The following PACRG variants were observed in gnomAD, a reference collection of about 807,000 sequenced individuals.
PACRG encodes the protein parkin coregulated gene protein.
PACRG carries 29 observed loss-of-function variants against 29.7 expected under a neutral mutation model. That is an observed-to-expected ratio of 0.98 (90% CI 0.73 to 1.33). The LOEUF is 1.33. Among genes scored for constraint, PACRG ranks in the 40% most tolerant of loss-of-function variants. The pLI, the probability that PACRG is intolerant of heterozygous loss-of-function variation, is 0.00. For synonymous variants in PACRG, 116 were observed against 118.7 expected, an observed-to-expected ratio of 0.98 and a Z score of 0.15; for missense variants, 279 against 316.2, an observed-to-expected ratio of 0.88 and a Z score of 0.89.
intron 2 of PACRG, among the ~76,000 whole-genome samples, chr6:162,856,585 G>A (rs1421382225): frequency 3.6e-5 from 4 of 110,710 alleles, no homozygotes; most frequent in Non-Finnish European, 5.9e-5. Context: ...TGAGCGGCAC[G>A]TCTCGAAGAA....
chr6:163,214,396 T>G (rs938746351), intron 4 of PACRG, among the ~76,000 whole-genome samples: 2 of 152,124 alleles, frequency 1.3e-5, no homozygotes, highest in East Asian at 3.8e-4. Context: ...AATCTAGACT[T>G]TCTGGTTTTC....
At chr6:163,126,078 T>TA (rs1173755396) in intron 4 of PACRG, among the ~76,000 whole-genome samples, 4 of 152,166 alleles carry the variant, frequency 2.6e-5, no homozygotes, top group East Asian at 3.9e-4. Flanking sequence ...CAAAAACACT[T>TA]ACGTATATCC....
At chr6:163,248,786 G>A (rs1012939684) in intron 4 of PACRG, among the ~76,000 whole-genome samples, 3 of 152,088 alleles carry the variant, frequency 2.0e-5, no homozygotes, top group South Asian at 2.1e-4. Flanking sequence ...AGGCCAAGGC[G>A]GCCAGATCAC....
chr6:162,975,057 A>G (rs1801834977), intron 2 of PACRG, among the ~76,000 whole-genome samples: 1 of 152,204 alleles, frequency 6.6e-6, no homozygotes, highest in African/African-American at 2.4e-5. Flanking sequence ...GTGAATGTGG[A>G]GGAATTTCAA....
chr6:163,138,996 C>G (rs953688540), intron 4 of PACRG, among the ~76,000 whole-genome samples: 1 of 152,344 alleles, frequency 6.6e-6, no homozygotes. Flanking sequence ...TATCCTGACT[C>G]CATCCTACAC....
chr6:162,792,089 A>G (rs932708022), intron 1 of PACRG, among the ~76,000 whole-genome samples: 1 of 152,174 alleles, frequency 6.6e-6, no homozygotes, highest in African/African-American at 2.4e-5. Context: ...GTGCATGGCC[A>G]ATTGAATGGA....
At chr6:163,237,101 T>C (rs1782273575) in intron 4 of PACRG, among the ~76,000 whole-genome samples, 1 of 152,210 alleles carries the variant, frequency 6.6e-6, no homozygotes, top group South Asian at 2.1e-4. Context: ...AGCCAAACTA[T>C]ATCATTGATG....
intron 4 of PACRG, among the ~76,000 whole-genome samples, chr6:163,245,385 G>T (rs1782653650): frequency 6.6e-6 from 1 of 152,118 alleles, no homozygotes; most frequent in African/African-American, 2.4e-5. Context: ...CACATTATCA[G>T]ACTGGGGGTA....
intron 2 of PACRG, among the ~76,000 whole-genome samples, chr6:162,869,867 A>G (rs1413363277): frequency 6.6e-6 from 1 of 152,230 alleles, no homozygotes; most frequent in East Asian, 1.9e-4. Context: ...ACCTGAAAAT[A>G]TACTATGAGC....
chr6:162,876,462 G>C (rs982748389), intron 2 of PACRG, among the ~76,000 whole-genome samples: 3 of 152,204 alleles, frequency 2.0e-5, no homozygotes, highest in African/African-American at 7.2e-5. Context: ...CTAATTACCA[G>C]TGATGATGAG....
chr6:163,191,941 C>T (rs1372245069), intron 4 of PACRG: 6 of 356,846 alleles, frequency 1.7e-5, no homozygotes, highest in Non-Finnish European at 3.3e-5. Flanking sequence ...CATCCCCTCC[C>T]GAACTGACCA....
chr6:163,134,561 G>A (rs1375783550), intron 4 of PACRG, among the ~76,000 whole-genome samples: 1 of 152,156 alleles, frequency 6.6e-6, no homozygotes, highest in Non-Finnish European at 1.5e-5. Context: ...ACAGCAGCAA[G>A]AACTGTAGGA....
intron 4 of PACRG, among the ~76,000 whole-genome samples, chr6:163,290,276 GCGCACACACACACACACACACA>G (rs1350602743): frequency 2.0e-4 from 25 of 127,710 alleles, no homozygotes; most frequent in South Asian, 5.0e-4. Flanking sequence ...ACGCGCGCGC[GCGCACACACACACACACACACA>G]CACACACACA....
chr6:163,112,189 A>C (rs572861276), intron 4 of PACRG: 1 of 253,560 alleles, frequency 3.9e-6, no homozygotes, highest in South Asian at 1.5e-4. Context: ...CTTTTTTTGA[A>C]GTCTGGCATC....
chr6:162,951,315 TCAGCACAGCTGAGC>T (rs1799628961), intron 2 of PACRG, among the ~76,000 whole-genome samples: 2 of 152,244 alleles, frequency 1.3e-5, no homozygotes, highest in Admixed American at 6.5e-5. Flanking sequence ...TTCTTATTGG[TCAGCACAGCTGAGC>T]TATGACTGAT....
intron 4 of PACRG, chr6:163,190,977 A>G (rs1274867283): frequency 2.2e-6 from 1 of 456,126 alleles, no homozygotes. Flanking sequence ...TGTGTTCCTG[A>G]AACAACTGAA....
At chr6:163,254,906 G>A (rs1419336919) in intron 4 of PACRG, among the ~76,000 whole-genome samples, 1 of 152,198 alleles carries the variant, frequency 6.6e-6, no homozygotes, top group Non-Finnish European at 1.5e-5. Flanking sequence ...CTCTTTTCCT[G>A]GTGCCTCCTC....
intron 2 of PACRG, among the ~76,000 whole-genome samples, chr6:162,874,042 TA>T: frequency 6.6e-6 from 1 of 151,986 alleles, no homozygotes; most frequent in South Asian, 2.1e-4. Flanking sequence ...CAATAGTGAT[TA>T]TTTCAGAAAT....
chr6:163,140,779 T>G (rs916559611), intron 4 of PACRG, among the ~76,000 whole-genome samples: 5 of 151,820 alleles, frequency 3.3e-5, no homozygotes, highest in Non-Finnish European at 7.4e-5. Context: ...AAGAAATAAA[T>G]AGGATAAGTT....
Sources: allele counts gnomAD v4.1 joint callset (sites outside exome capture counted in the v4.1 genomes callset), GRCh38; gene constraint gnomAD v4.1.1; transcripts MANE v1.5; gene names NCBI Gene and HGNC (gene_info 2026-07-23, HGNC 2026-07-21).